Variants in RAB23 observed in about 807,000 individuals in gnomAD.
RAB23 encodes the protein ras-related protein Rab-23.
A neutral mutation model predicts 30.0 loss-of-function variants in RAB23; 15 were observed. The observed-to-expected ratio is 0.50, with a 90% CI of 0.33 to 0.77. The LOEUF (loss-of-function observed/expected upper bound fraction) is 0.77. Among genes scored for constraint, RAB23 ranks in the 30% least tolerant of loss-of-function variants. The pLI is 0.02. For synonymous variants in RAB23, 93 were observed against 94.0 expected (o/e 0.99, Z 0.06); for missense variants, 243 against 275.4 (o/e 0.88, Z 0.83).
At chr6:57,217,228 A>G (rs78813550) in intron 1 of RAB23, among the ~76,000 whole-genome samples, 2 of 151,706 alleles carry the variant, frequency 1.3e-5, no homozygotes, top group Non-Finnish European at 2.9e-5. Flanking sequence ...AAAAAAAAAA[A>G]CAAAATTAAC....
intron 3 of RAB23, among the ~76,000 whole-genome samples, chr6:57,203,078 C>T (rs550156751): frequency 1.4e-5 from 2 of 140,790 alleles, no homozygotes; most frequent in East Asian, 2.1e-4. Context: ...ATGATCTCGG[C>T]TCACTGCAGC....
In RAB23 at chr6:57,207,618, T is replaced by C. The variant is rs2128002855; in HGVS notation, c.241+10A>G. The C allele has an allele frequency of 6.4e-7, 1 of 1,566,648 alleles. No individual in the cohort carries two copies. On this transcript the variant is annotated intron_variant, in intron 3 of 6. Coordinates refer to ENST00000468148, the MANE Select transcript of RAB23 (RefSeq NM_016277.5). ...CCAAACAAAATAAATAAATAAATCCTGTGTTTTACCTCGATAGTAGGCCTT... is the reference window on the plus strand; with the variant it reads ...CCAAACAAAATAAATAAATAAATCCCGTGTTTTACCTCGATAGTAGGCCTT...
At chr6:57,208,794 C>T (rs181884479) in intron 2 of RAB23, among the ~76,000 whole-genome samples, 47 of 152,188 alleles carry the variant, frequency 3.1e-4, no homozygotes, top group South Asian at 1.0e-3. Context: ...ACCACTGCTC[C>T]TAAGGGAAAC....
chr6:57,197,083 C>T lies in RAB23; in HGVS notation c.242-477G>A, dbSNP rs570763167. Among the ~76,000 whole-genome samples, 33 of 152,122 alleles carry T rather than the reference C, an allele frequency of 2.2e-4. No homozygotes were observed. In the East Asian group the frequency reaches 2.3e-3, roughly 11 times the overall value. Reference sequence around the variant, plus strand: ...ATGTCATTTGCTTAATTTCTTTCAGCGCAGATTTAAGAAAAATTTATGAGA... The same window carrying T: ...ATGTCATTTGCTTAATTTCTTTCAGTGCAGATTTAAGAAAAATTTATGAGA... On this transcript the variant is annotated intron_variant, in intron 3 of 6. Coordinates refer to ENST00000468148, the MANE Select transcript of RAB23 (RefSeq NM_016277.5).
intron 3 of RAB23, among the ~76,000 whole-genome samples, chr6:57,204,215 T>G (rs185645488): frequency 6.6e-6 from 1 of 152,320 alleles, no homozygotes; most frequent in East Asian, 1.9e-4. Context: ...AATTATGTGT[T>G]TATATGATAC....
chr6:57,197,836 T>G (rs1471857878), intron 3 of RAB23, among the ~76,000 whole-genome samples: 2 of 152,230 alleles, frequency 1.3e-5, no homozygotes, highest in Admixed American at 1.3e-4. Flanking sequence ...CCTCCTGGAC[T>G]CAATCAATCC....
In RAB23 at chr6:57,210,166, A is replaced by G. The variant is rs567715575; in HGVS notation, c.155+60T>C. On this transcript the variant is annotated intron_variant, in intron 2 of 6. Coordinates refer to ENST00000468148, the MANE Select transcript of RAB23 (RefSeq NM_016277.5). ...CTGCAATCAGTTAACTATTACTCCAATGAGTCTTGGATATAGTTCACAAAT... is the reference window on the plus strand; with the variant it reads ...CTGCAATCAGTTAACTATTACTCCAGTGAGTCTTGGATATAGTTCACAAAT... 49 of 1,554,232 alleles carry G rather than the reference A, an allele frequency of 3.2e-5. 1 individual carries two copies. Among genetic ancestry groups the G allele is most frequent in the South Asian group, 2.0e-4 (18 of 89,576 alleles).
chr6:57,197,934 G>GTTTTGT (rs1296724210), intron 3 of RAB23, among the ~76,000 whole-genome samples: 1 of 151,938 alleles, frequency 6.6e-6, no homozygotes, highest in African/African-American at 2.4e-5. Context: ...GTTTTGTTTT[G>GTTTTGT]TTTTGTTTTT....
intron 2 of RAB23, among the ~76,000 whole-genome samples, chr6:57,208,040 G>GT (rs1765511701): frequency 6.6e-6 from 1 of 152,148 alleles, no homozygotes. Flanking sequence ...TTGAAAAACT[G>GT]TAAGTCAAAC....
chr6:57,196,756 T>C (rs896471401), intron 3 of RAB23, 150 bp from the exon 4 acceptor site: 24 of 893,256 alleles, frequency 2.7e-5, no homozygotes, highest in African/African-American at 5.0e-5. Flanking sequence ...CTCATCTTTG[T>C]ACTACTCTTC....
chr6:57,188,426 AC>A lies in RAB23; in HGVS notation c.*2034del, dbSNP rs1764695597. The stretch of plus-strand genomic sequence containing the variant: ...GGAACTGTAACTATCCTCAGAGATT[AC>A]TTTTTTTAAATATAGAAAGGTAACA... On this transcript the variant is annotated 3_prime_UTR_variant, in exon 7 of 7. Coordinates refer to ENST00000468148, the MANE Select transcript of RAB23 (RefSeq NM_016277.5). 1 of 152,348 alleles carries A rather than the reference AC, an allele frequency of 6.6e-6. No individual in the cohort carries two copies. Among genetic ancestry groups the A allele is most frequent in the South Asian group, 2.1e-4 (1 of 4,828 alleles). 9.4% of individuals were successfully genotyped at this position (152,348 alleles called of 1,614,324 possible).
intron 6 of RAB23, among the ~76,000 whole-genome samples, chr6:57,192,418 GACA>G (rs1764873579): frequency 1.3e-5 from 2 of 152,162 alleles, no homozygotes; most frequent in South Asian, 4.1e-4. Flanking sequence ...AATAAGACAA[GACA>G]GTAAACAAGT....
chr6:57,211,600 G>T (rs978030116), intron 1 of RAB23, among the ~76,000 whole-genome samples: 17 of 152,132 alleles, frequency 1.1e-4, no homozygotes, highest in African/African-American at 3.9e-4. Flanking sequence ...CCCAAAGAAG[G>T]TTTTGTATAA....
rs560546046 is a variant in RAB23, at chr6:57,220,121, C to T, written c.-66+1605G>A. Among the ~76,000 whole-genome samples, 6 of 152,268 alleles carry T rather than the reference C, an allele frequency of 3.9e-5. 1 individual carries two copies. Among genetic ancestry groups the T allele is most frequent in the African/African-American group, 1.4e-4 (6 of 41,544 alleles). ...GCAAGAGACTTTGCCAGATACCTCACCAACGACTCCATGTGGCAAATGAAC... is the reference window on the plus strand; with the variant it reads ...GCAAGAGACTTTGCCAGATACCTCATCAACGACTCCATGTGGCAAATGAAC... On this transcript the variant is annotated intron_variant, in intron 1 of 6. Coordinates refer to ENST00000468148, the MANE Select transcript of RAB23 (RefSeq NM_016277.5).
At chr6:57,214,614 C>G (rs1180985748) in intron 1 of RAB23, among the ~76,000 whole-genome samples, 1 of 152,164 alleles carries the variant, frequency 6.6e-6, no homozygotes, top group Non-Finnish European at 1.5e-5. Context: ...CACTCTGTTT[C>G]AATGGAAGAC....
intron 1 of RAB23, among the ~76,000 whole-genome samples, chr6:57,216,109 T>C (rs2128007153): frequency 6.6e-6 from 1 of 152,356 alleles, no homozygotes; most frequent in South Asian, 2.1e-4. Context: ...TACCAATGTG[T>C]TACAAGTACC....
chr6:57,212,159 C>T (rs1765682198), intron 1 of RAB23, among the ~76,000 whole-genome samples: 1 of 152,226 alleles, frequency 6.6e-6, no homozygotes, highest in Admixed American at 6.5e-5. Flanking sequence ...GTCTCTGCTA[C>T]CTCACCTTCA....
chr6:57,219,509 T>G (rs1004705018), intron 1 of RAB23, among the ~76,000 whole-genome samples: 2 of 152,158 alleles, frequency 1.3e-5, no homozygotes, highest in African/African-American at 2.4e-5. Context: ...AGAATCAGAA[T>G]AGCTAAAACA....
At position 57,187,700 on chromosome 6, in the gene RAB23, A is replaced by G. The variant is rs1056141992; in HGVS notation, c.*2761T>C. On this transcript the variant is annotated 3_prime_UTR_variant, in exon 7 of 7. Coordinates refer to ENST00000468148, the MANE Select transcript of RAB23 (RefSeq NM_016277.5). ...CAACTCCCTATTCTAAGGTCTTCAG[A>G]AAAGGTCCAGTTTCCTAAAACTCAC... The G allele has an allele frequency of 6.6e-6, 1 of 152,214 alleles. No individual in the cohort carries two copies. Among genetic ancestry groups the G allele is most frequent in the Non-Finnish European group, 1.5e-5 (1 of 68,026 alleles). 9.4% of individuals were successfully genotyped at this position (152,214 alleles called of 1,614,324 possible).
Sources: gnomAD v4.1 joint callset for allele counts (sites outside exome capture counted in the v4.1 genomes callset) on GRCh38, gnomAD v4.1.1 for gene constraint, MANE v1.5 for transcripts, NCBI Gene and HGNC (gene_info 2026-07-23, HGNC 2026-07-21) for gene names.